Variants in DMRTC2 observed in about 807,000 individuals in gnomAD.
DMRTC2 encodes the protein DMRT like family C2, also known as doublesex- and mab-3-related transcription factor C2.
A neutral mutation model predicts 39.9 loss-of-function variants in DMRTC2; 13 were observed. The observed-to-expected ratio is 0.33, with a 90% CI of 0.21 to 0.52. The LOEUF (loss-of-function observed/expected upper bound fraction) is 0.52, where lower values mean the gene tolerates loss of function less well. Ranked by LOEUF, DMRTC2 falls within the 20% of genes least tolerant of loss-of-function variation. The pLI, the probability that DMRTC2 is intolerant of heterozygous loss-of-function variation, is 0.96. For missense variants in DMRTC2, 431 were observed against 472.8 expected, an observed-to-expected ratio of 0.91 and a Z score of 0.82; for synonymous variants, 189 against 185.2, an observed-to-expected ratio of 1.02 and a Z score of -0.17.
At chr19:41,848,022 G>A (rs571901050) in intron 3 of DMRTC2, 141 bp downstream of exon 3, 11 of 1,258,256 alleles carry the variant, frequency 8.7e-6, no homozygotes, top group African/African-American at 7.5e-5. Flanking sequence ...CTGTCCCAGC[G>A]TTGAGAGAAT....
At position 41,847,746 on chromosome 19, in the gene DMRTC2, A is replaced by G; in HGVS notation, c.235A>G (p.Arg79Gly). ...HKCVLILERR[R>G]VMAAQVALRR... Reference sequence around the variant, plus strand: ...ACTCCCCACTTTTAGGGAGCGCCGCAGGGTCATGGCTGCCCAGGTGGCCTT... The same window carrying G: ...ACTCCCCACTTTTAGGGAGCGCCGCGGGGTCATGGCTGCCCAGGTGGCCTT... The change falls in exon 3 of 9, where the codon AGG (arginine) becomes GGG (glycine). Residue 79 changes from arginine (R) to glycine (G), a missense_variant. Coordinates refer to ENST00000269945, the MANE Select transcript of DMRTC2 (RefSeq NM_001040283.3). 1 of 1,614,114 alleles carries G rather than the reference A, an allele frequency of 6.2e-7. No individual in the cohort carries two copies. Among genetic ancestry groups the G allele is most frequent in the East Asian group, 2.2e-5 (1 of 44,870 alleles).
rs202209968 is a variant in DMRTC2, at chr19:41,851,842, GTTTA to G, written c.*147_*150del. ...TTTTTGTTTGTTTGTTTGTTTGTTT[GTTTA>G]AGCTTTCAGGTGCTTCATTAGCTTT... is the stretch of plus-strand genomic sequence containing the variant. On this transcript the variant is annotated 3_prime_UTR_variant, in exon 9 of 9. Coordinates refer to ENST00000269945, the MANE Select transcript of DMRTC2 (RefSeq NM_001040283.3). 6.2e-3 allele frequency: 4,460 copies of G among 713,892 alleles called. 136 individuals carry two copies. In the African/African-American group the frequency reaches 0.068, roughly 11 times the overall value. 44.2% of individuals were successfully genotyped at this position (713,892 alleles called of 1,614,324 possible). A position where few individuals can be genotyped will look rare whatever the true frequency, so the allele number is the denominator to read the frequency against.
intron 6 of DMRTC2, 85 bp from the exon 7 acceptor site, chr19:41,850,227 C>A: frequency 8.6e-7 from 1 of 1,165,182 alleles, no homozygotes; most frequent in Non-Finnish European, 1.1e-6. Context: ...CAGATCAAAA[C>A]ATGGCAAAAT....
At chr19:41,849,473 C>T (rs2073923120) in intron 6 of DMRTC2, among the ~76,000 whole-genome samples, 1 of 152,226 alleles carries the variant, frequency 6.6e-6, no homozygotes, top group Non-Finnish European at 1.5e-5. Flanking sequence ...ATTGGAGACA[C>T]TATTACTTAC....
At chr19:41,851,530 G>C in intron 8 of DMRTC2, 54 bp from the exon 9 acceptor site, 1 of 1,474,722 alleles carries the variant, frequency 6.8e-7, no homozygotes, top group Non-Finnish European at 9.4e-7. Flanking sequence ...AGAGGGGGTT[G>C]CTAGAAGGAA....
chr19:41,846,130 G>A (rs2073836522), intron 1 of DMRTC2, among the ~76,000 whole-genome samples: 1 of 152,210 alleles, frequency 6.6e-6, no homozygotes. Flanking sequence ...GGAATGCAAG[G>A]AGGCAGTTGC....
chr19:41,848,653 C>T (rs782186598), intron 4 of DMRTC2, 125 bp downstream of exon 4: 8 of 1,461,662 alleles, frequency 5.5e-6, no homozygotes, highest in Non-Finnish European at 7.6e-6. Flanking sequence ...CTAGTCAAAT[C>T]ACTGCTCTTC....
intron 3 of DMRTC2, 42 bp downstream of exon 3, chr19:41,847,923 A>G (rs1555836404): frequency 6.5e-7 from 1 of 1,548,312 alleles, no homozygotes; most frequent in Admixed American, 2.0e-5. Context: ...GTTTGGGTAC[A>G]GGAGGCAGGT....
Position 41,847,593 on chromosome 19 carries a change from G to T in DMRTC2, c.165G>T (p.Lys55Asn). ...CRNHGVTAHLKGHKRLCLFQA... is the reference protein window; with the variant it reads ...CRNHGVTAHLNGHKRLCLFQA... The stretch of plus-strand genomic sequence containing the variant: ...ACCATGGTGTCACCGCCCATCTCAA[G>T]GGCCACAAGCGCCTCTGCCTCTTCC... Residue 55 changes from lysine (K) to asparagine (N), a missense_variant, in exon 2 of 9, where the codon AAG becomes AAT. Lys to Asn is a moderately conservative substitution (Grantham distance 94). Coordinates refer to ENST00000269945, the MANE Select transcript of DMRTC2 (RefSeq NM_001040283.3). 1 of 1,614,218 alleles carries T rather than the reference G, an allele frequency of 6.2e-7. No homozygotes were observed. Among genetic ancestry groups the T allele is most frequent in the Non-Finnish European group, 8.5e-7 (1 of 1,180,044 alleles).
rs1000189887 is a variant in DMRTC2, at chr19:41,847,796, A to G, written c.285A>G (p.Leu95=). Residue 95 remains leucine, a synonymous_variant, in exon 3 of 9, where the codon CTA becomes CTG. Transcript: ENST00000269945. ...TGCGTAGGCAGCAGGAGGCGCAGCT[A>G]AAGAAGCACCTGATGAGGAGAGGGG... ...VALRRQQEAQ[L]KKHLMRRGEA... 1 of 1,610,966 alleles carries G rather than the reference A, an allele frequency of 6.2e-7. No homozygotes were observed. The highest frequency in any genetic ancestry group is 8.5e-7 in the Non-Finnish European group (1 of 1,178,650).
intron 5 of DMRTC2, 70 bp downstream of exon 5, chr19:41,849,045 G>A: frequency 3.7e-6 from 6 of 1,611,790 alleles, no homozygotes; most frequent in Non-Finnish European, 8.5e-7. Flanking sequence ...GGAGAGGGAA[G>A]AGGAAGAAAG....
Position 41,847,564 on chromosome 19 carries a change from C to G in DMRTC2, c.136C>G (p.Arg46Gly). Residue 46 changes from arginine to glycine, a missense_variant, in exon 2 of 9, where the codon CGC (arginine) becomes GGC (glycine). Coordinates refer to ENST00000269945, the MANE Select transcript of DMRTC2 (RefSeq NM_001040283.3). The part of the protein sequence containing the change: ...ISRSPTCARC[R>G]NHGVTAHLKG... The stretch of plus-strand genomic sequence containing the variant: ...CCGCTCTCCAACCTGCGCCCGCTGC[C>G]GCAACCATGGTGTCACCGCCCATCT... 1 of 1,614,206 alleles carries G rather than the reference C, an allele frequency of 6.2e-7. No individual in the cohort carries two copies. The highest frequency in any genetic ancestry group is 8.5e-7 in the Non-Finnish European group (1 of 1,180,028).
intron 8 of DMRTC2, 174 bp from the exon 9 acceptor site, chr19:41,851,410 C>T: frequency 3.4e-6 from 2 of 590,220 alleles, no homozygotes; most frequent in Non-Finnish European, 6.0e-6. Context: ...AAGTGGGTGG[C>T]TTTGATGGAC....
rs1555837377 is a variant in DMRTC2 at position 41,851,589 on chromosome 19, G to C, written c.997G>C (p.Ala333Pro). 1.9e-6 allele frequency: 3 copies of C among 1,614,088 alleles called. No homozygotes were observed. Among genetic ancestry groups the C allele is most frequent in the South Asian group, 2.2e-5 (2 of 91,070 alleles). ...LLHPCGPPAP[A>P]GGRGFQPVGP... ...CCCTTCCTTCTTGCCTGTAGCTCCTGCTGGAGGAAGAGGATTCCAGCCTGT... is the reference window on the plus strand; with the variant it reads ...CCCTTCCTTCTTGCCTGTAGCTCCTCCTGGAGGAAGAGGATTCCAGCCTGT... The change falls in exon 9 of 9, where the codon GCT (alanine) becomes CCT (proline). Residue 333 changes from alanine to proline, a missense_variant. Physicochemically the swap from Ala to Pro is conservative, Grantham distance 27. Coordinates refer to ENST00000269945, the MANE Select transcript of DMRTC2 (RefSeq NM_001040283.3).
chr19:41,848,172 C>A (rs1221768817), intron 3 of DMRTC2, among the ~76,000 whole-genome samples: 1 of 152,136 alleles, frequency 6.6e-6, no homozygotes, highest in Non-Finnish European at 1.5e-5. Flanking sequence ...ATGGTGAAAC[C>A]CCGTCTCTAC....
In DMRTC2 at chr19:41,848,781, C is replaced by G; in HGVS notation, c.448-14C>G. On this transcript the variant is annotated splice_polypyrimidine_tract_variant and intron_variant, in intron 4 of 8. Transcript: ENST00000269945. ...CTTGTACCCAACTCCAGCCTGTGCC[C>G]TCTGCCCCTGCAGAACTCCTGTGGG... 1.9e-6 allele frequency: 3 copies of G among 1,607,172 alleles called. No homozygotes were observed. Among genetic ancestry groups the G allele is most frequent in the Non-Finnish European group, 2.5e-6 (3 of 1,179,986 alleles).
intron 8 of DMRTC2, chr19:41,851,111 A>C (rs186067584): frequency 3.1e-4 from 64 of 209,714 alleles, no homozygotes; most frequent in African/African-American, 1.4e-3. Flanking sequence ...TGCCTTCACA[A>C]GGCTCAGTGA....
At position 41,850,658 on chromosome 19, in the gene DMRTC2, A is replaced by G; in HGVS notation, c.949A>G (p.Asn317Asp). 3 of 1,604,114 alleles carry G rather than the reference A, an allele frequency of 1.9e-6. No homozygotes were observed. Among genetic ancestry groups the G allele is most frequent in the South Asian group, 1.1e-5 (1 of 90,030 alleles). The change falls in exon 8 of 9, where the codon AAC (asparagine) becomes GAC (aspartate). Residue 317 changes from asparagine (N) to aspartate (D), a missense_variant. Transcript: ENST00000269945. Reference protein sequence around the residue: ...APRVTPSVPPNPAWISLLHPC... With the variant: ...APRVTPSVPPDPAWISLLHPC... Reference sequence around the variant, plus strand: ...TCGTGTGACCCCTTCTGTGCCCCCCAACCCTGCCTGGATCTCCCTGCTTCA... The same window carrying G: ...TCGTGTGACCCCTTCTGTGCCCCCCGACCCTGCCTGGATCTCCCTGCTTCA...
At chr19:41,851,219 G>A (rs1340164441) in intron 8 of DMRTC2, 2 of 231,754 alleles carry the variant, frequency 8.6e-6, no homozygotes, top group East Asian at 1.0e-4. Flanking sequence ...TAGTGGATTG[G>A]GCAGACTGGC....
Sources: gnomAD v4.1 joint callset for allele counts (sites outside exome capture counted in the v4.1 genomes callset) on GRCh38, gnomAD v4.1.1 for gene constraint, MANE v1.5 for transcripts, NCBI Gene and HGNC (gene_info 2026-07-23, HGNC 2026-07-21) for gene names.